SH3RF1: variants seen among roughly 807,000 people sequenced by gnomAD.
SH3RF1 encodes E3 ubiquitin-protein ligase SH3RF1.
Under a neutral mutation model 74.0 loss-of-function variants are expected in SH3RF1, and 32 were observed. The ratio of observed to expected loss-of-function variants is 0.43; its 90% CI spans 0.33 to 0.58. The LOEUF (loss-of-function observed/expected upper bound fraction) is 0.58, where lower values mean the gene tolerates loss of function less well. Ranked by LOEUF, SH3RF1 falls within the 20% of genes least tolerant of loss-of-function variation. SH3RF1 has a pLI of 0.05. For missense variants in SH3RF1, 954 were observed against 1,130.9 expected, an observed-to-expected ratio of 0.84 and a Z score of 2.24; for synonymous variants, 396 against 439.6, an observed-to-expected ratio of 0.90 and a Z score of 1.24.
chr4:169,211,945 T>G (rs1460764412), intron 2 of SH3RF1, among the ~76,000 whole-genome samples: 1 of 152,126 alleles, frequency 6.6e-6, no homozygotes, highest in Non-Finnish European at 1.5e-5. Flanking sequence ...TTTTCCCAAA[T>G]GTAACTAATC....
Position 169,101,451 on chromosome 4 carries a change from G to A in SH3RF1, c.2499-4764C>T, listed in dbSNP as rs148776536. The stretch of plus-strand genomic sequence containing the variant: ...AAGTAGAAGGGTGGTTGCAGGGCCT[G>A]GAGGAGGGGGAATGAAGAGTTAGTG... On this transcript the variant is annotated intron_variant, in intron 11 of 11. Coordinates refer to ENST00000284637, the MANE Select transcript of SH3RF1 (RefSeq NM_020870.4). Among the ~76,000 whole-genome samples the A allele has an allele frequency of 5.9e-5, 9 of 152,214 alleles. 1 individual carries two copies. The East Asian group carries it at 1.7e-3, about 29-fold the overall frequency.
chr4:169,146,370 C>A (rs1021244684), intron 4 of SH3RF1, among the ~76,000 whole-genome samples: 1 of 151,200 alleles, frequency 6.6e-6, no homozygotes, highest in Non-Finnish European at 1.5e-5. Context: ...GCTGGTATTA[C>A]AGGCGCATGC....
chr4:169,186,668 G>A (rs928986915), intron 2 of SH3RF1, among the ~76,000 whole-genome samples: 4 of 150,376 alleles, frequency 2.7e-5, no homozygotes, highest in East Asian at 2.0e-4. Flanking sequence ...ATATCAATAA[G>A]GAATCTCTCC....
In SH3RF1 at chr4:169,233,618, C is replaced by T. The variant is rs550538982; in HGVS notation, c.393+35202G>A. 9.7e-4 allele frequency among the ~76,000 whole-genome samples: 147 copies of T among 152,238 alleles called. 1 individual carries two copies. Among genetic ancestry groups the T allele is most frequent in the African/African-American group, 3.5e-3 (145 of 41,540 alleles). ...AGTCATAAAAAACAAATGTGGTTGTCTTAGATGGCTTTGGTTGTTTGGCTT... is the reference window on the plus strand; with the variant it reads ...AGTCATAAAAAACAAATGTGGTTGTTTTAGATGGCTTTGGTTGTTTGGCTT... On this transcript the variant is annotated intron_variant, in intron 2 of 11. Coordinates refer to ENST00000284637, the MANE Select transcript of SH3RF1 (RefSeq NM_020870.4).
intron 7 of SH3RF1, 115 bp downstream of exon 7, chr4:169,121,985 T>C: frequency 7.2e-7 from 1 of 1,383,360 alleles, no homozygotes; most frequent in South Asian, 1.4e-5. Flanking sequence ...CACAGACCGC[T>C]TGGTGAGCCA....
At chr4:169,129,236 A>G (rs908375633) in intron 6 of SH3RF1, among the ~76,000 whole-genome samples, 4 of 152,264 alleles carry the variant, frequency 2.6e-5, no homozygotes, top group Non-Finnish European at 5.9e-5. Context: ...TGGAGCAAAT[A>G]GAAAATATAA....
chr4:169,130,416 T>C (rs899650311), intron 5 of SH3RF1, among the ~76,000 whole-genome samples: 5 of 152,170 alleles, frequency 3.3e-5, no homozygotes, highest in Non-Finnish European at 7.4e-5. Context: ...TCAACTGCCA[T>C]TGGCTTTCAC....
intron 2 of SH3RF1, among the ~76,000 whole-genome samples, chr4:169,203,632 T>C (rs562019594): frequency 1.3e-5 from 2 of 152,214 alleles, no homozygotes; most frequent in African/African-American, 4.8e-5. Flanking sequence ...CTTCTGTAAG[T>C]GTATGGAATA....
intron 2 of SH3RF1, among the ~76,000 whole-genome samples, chr4:169,240,651 G>A (rs983497737): frequency 1.3e-5 from 2 of 152,132 alleles, no homozygotes; most frequent in South Asian, 2.1e-4. Flanking sequence ...TATACATTGT[G>A]AAATTATATC....
intron 2 of SH3RF1, among the ~76,000 whole-genome samples, chr4:169,208,149 G>GT (rs5863986): frequency 0.39 from 56,910 of 146,256 alleles, 12,567 homozygotes; most frequent in East Asian, 0.71. Flanking sequence ...AAGTCCTCAA[G>GT]TTTTTTTTTT....
At chr4:169,133,646 T>TGGC (rs1341052778) in intron 5 of SH3RF1, among the ~76,000 whole-genome samples, 3 of 144,788 alleles carry the variant, frequency 2.1e-5, no homozygotes, top group Non-Finnish European at 3.0e-5. Flanking sequence ...GGTGTGGTGG[T>TGGC]GGCGCCTGTA....
At chr4:169,209,002 CAGT>C (rs1448160487) in intron 2 of SH3RF1, among the ~76,000 whole-genome samples, 1 of 151,984 alleles carries the variant, frequency 6.6e-6, no homozygotes, top group Admixed American at 6.6e-5. Context: ...AAAAATGAGG[CAGT>C]AGGACAGGGC....
chr4:169,119,896 C>A (rs1733410814), intron 8 of SH3RF1, among the ~76,000 whole-genome samples: 1 of 152,192 alleles, frequency 6.6e-6, no homozygotes, highest in Non-Finnish European at 1.5e-5. Flanking sequence ...GTGTTGATTT[C>A]ATTACAGGTC....
At chr4:169,157,433 T>C (rs1734077328) in intron 2 of SH3RF1, among the ~76,000 whole-genome samples, 1 of 152,226 alleles carries the variant, frequency 6.6e-6, no homozygotes, top group Admixed American at 6.5e-5. Flanking sequence ...AATTTAATGT[T>C]CCTGCATTGC....
chr4:169,107,163 T>C lies in SH3RF1; in HGVS notation c.2182A>G (p.Thr728Ala), dbSNP rs1370887806. 6 of 1,567,880 alleles carry C rather than the reference T, an allele frequency of 3.8e-6. No homozygotes were observed. Among genetic ancestry groups the C allele is most frequent in the Non-Finnish European group, 5.2e-6 (6 of 1,158,896 alleles). Residue 728 changes from threonine (T) to alanine (A), a missense_variant, in exon 11 of 12, where the codon ACT becomes GCT. Thr to Ala is a moderately conservative substitution (Grantham distance 58, BLOSUM62 0). Around this residue, in one of 3 missense-constraint regions of SH3RF1, gnomAD observed 854 missense variants for 962.5 expected, o/e 0.89. Transcript: ENST00000284637. ...GLLKLLSGAS[T>A]KRKPRVSPPA... ...GGAGACACGCGGGGCTTCCGTTTAG[T>C]GGAGGCGCCAGAAAGCAACTTCAAC...
chr4:169,194,499 T>C (rs967924706), intron 2 of SH3RF1, among the ~76,000 whole-genome samples: 1 of 152,212 alleles, frequency 6.6e-6, no homozygotes, highest in Non-Finnish European at 1.5e-5. Flanking sequence ...CTGGCTTCTT[T>C]TGATCTATAT....
At chr4:169,096,716 C>A (rs761454735) in intron 11 of SH3RF1, 29 bp from the exon 12 acceptor site, 14 of 1,584,184 alleles carry the variant, frequency 8.8e-6, no homozygotes, top group South Asian at 1.2e-5. Flanking sequence ...TTGGTTAAGG[C>A]GATTCAAAGC....
At chr4:169,106,503 A>G (rs1733141214) in intron 11 of SH3RF1, among the ~76,000 whole-genome samples, 1 of 150,728 alleles carries the variant, frequency 6.6e-6, no homozygotes. Context: ...AAAAAAAAAA[A>G]GACAGCAATT....
At chr4:169,180,777 TAA>T (rs910923695) in intron 2 of SH3RF1, among the ~76,000 whole-genome samples, 1 of 152,220 alleles carries the variant, frequency 6.6e-6, no homozygotes, top group African/African-American at 2.4e-5. Flanking sequence ...TTCAACTTCA[TAA>T]ACTTCAATAT....
Sources: allele counts gnomAD v4.1 joint callset (sites outside exome capture counted in the v4.1 genomes callset), GRCh38; gene constraint gnomAD v4.1.1; regional missense constraint gnomAD v4.1.1; transcripts MANE v1.5; gene names NCBI Gene and HGNC (gene_info 2026-07-23, HGNC 2026-07-21).